Variants in FAP observed in about 807,000 individuals in gnomAD.
FAP encodes the protein prolyl endopeptidase FAP.
Under a neutral mutation model 126.5 loss-of-function variants are expected in FAP, and 110 were observed. The observed-to-expected ratio is 0.87, with a 90% confidence interval of 0.74 to 1.02. The LOEUF (loss-of-function observed/expected upper bound fraction) is 1.02, where lower values mean the gene tolerates loss of function less well. FAP is among the 50% of genes least tolerant of loss of function. The probability of loss-of-function intolerance (pLI) is 0.00; values close to 1 mark genes in which losing one functional copy is unlikely to be tolerated. For missense variants in FAP, 919 were observed against 909.2 expected, an observed-to-expected ratio of 1.01 and a Z score of -0.14; for synonymous variants, 334 against 297.3, an observed-to-expected ratio of 1.12 and a Z score of -1.27.
Position 162,198,336 on chromosome 2 carries a change from G to T in FAP, c.1402+421C>A, listed in dbSNP as rs533063931. On this transcript the variant is annotated intron_variant, in intron 16 of 25. Transcript: ENST00000188790. Reference sequence around the variant, plus strand: ...GTTTGATATTTCTCTGGGCAAAGGGGGCCAAAAGTCCAGCAACCATTTTAT... The same window carrying T: ...GTTTGATATTTCTCTGGGCAAAGGGTGCCAAAAGTCCAGCAACCATTTTAT... 4.5e-5 allele frequency: 58 copies of T among 1,284,096 alleles called. No individual in the cohort carries two copies. In the East Asian group the frequency reaches 2.1e-3, roughly 47 times the overall value. 79.5% of individuals were successfully genotyped at this position (1,284,096 alleles called of 1,614,324 possible).
chr2:162,174,720 G>T (rs920133927), intron 22 of FAP, 147 bp downstream of exon 22: 5 of 548,048 alleles, frequency 9.1e-6, no homozygotes, highest in Non-Finnish European at 1.3e-5. Context: ...TATAATAAAT[G>T]ATATAAACAA....
chr2:162,243,371 C>A lies in FAP; in HGVS notation c.-44G>T. 6.2e-7 allele frequency: 1 copy of A among 1,604,874 alleles called. No homozygotes were observed. The highest frequency in any genetic ancestry group is 8.5e-7 in the Non-Finnish European group (1 of 1,176,334). ...AAGTTAGCTAATTCTGTCTTCAGAGCGTGGGTCACTGGATCTGTGAAAACC... is the reference window on the plus strand; with the variant it reads ...AAGTTAGCTAATTCTGTCTTCAGAGAGTGGGTCACTGGATCTGTGAAAACC... On this transcript the variant is annotated 5_prime_UTR_variant, in exon 1 of 26. Coordinates refer to ENST00000188790, the MANE Select transcript of FAP (RefSeq NM_004460.5).
At position 162,243,380 on chromosome 2, in the gene FAP, C is replaced by T. The variant is rs1448256605; in HGVS notation, c.-53G>A. ...AATTCTGTCTTCAGAGCGTGGGTCA[C>T]TGGATCTGTGAAAACCGTTGAAAAG... is the stretch of plus-strand genomic sequence containing the variant. On this transcript the variant is annotated 5_prime_UTR_variant, in exon 1 of 26. The change creates a new upstream start codon in the 5' untranslated region. Transcript: ENST00000188790. 6.3e-7 allele frequency: 1 copy of T among 1,596,054 alleles called. No homozygotes were observed. Among genetic ancestry groups the T allele is most frequent in the Non-Finnish European group, 8.5e-7 (1 of 1,173,622 alleles).
chr2:162,241,948 T>C (rs1202725096), intron 2 of FAP, among the ~76,000 whole-genome samples: 1 of 152,208 alleles, frequency 6.6e-6, no homozygotes, highest in Non-Finnish European at 1.5e-5. Flanking sequence ...TTCTTTTTAA[T>C]AGCAACAGTC....
chr2:162,242,064 A>G (rs1690373846), intron 2 of FAP, among the ~76,000 whole-genome samples: 1 of 152,158 alleles, frequency 6.6e-6, no homozygotes, highest in African/African-American at 2.4e-5. Flanking sequence ...GTTATCATAA[A>G]CTTTTAGTAT....
intron 21 of FAP, among the ~76,000 whole-genome samples, chr2:162,178,863 T>C (rs1037085491): frequency 6.6e-6 from 1 of 152,216 alleles, no homozygotes; most frequent in African/African-American, 2.4e-5. Context: ...GTAAACCTCA[T>C]GGTAATTTTC....
In FAP at chr2:162,203,077, A is replaced by G. The variant is rs1224615302; in HGVS notation, c.1116T>C (p.Asp372=). Residue 372 remains aspartate (D), a synonymous_variant, in exon 13 of 26, where the codon GAT becomes GAC. Coordinates refer to ENST00000188790, the MANE Select transcript of FAP (RefSeq NM_004460.5). ...ISYYKIFSDK[D]GYKHIHYIKD... ...TGATATAGTGAATATGTTTGTAGCC[A>G]TCCTTGTCACTAAATATTTTGTAGT... The G allele has an allele frequency of 6.2e-7, 1 of 1,613,776 alleles. No individual in the cohort carries two copies. Among genetic ancestry groups the G allele is most frequent in the Non-Finnish European group, 8.5e-7 (1 of 1,179,734 alleles).
At chr2:162,205,946 A>G (rs1688682749) in intron 12 of FAP, among the ~76,000 whole-genome samples, 1 of 152,232 alleles carries the variant, frequency 6.6e-6, no homozygotes, top group Non-Finnish European at 1.5e-5. Flanking sequence ...AGCTGCAGTC[A>G]GTTAGATAAG....
At chr2:162,189,779 T>C in intron 17 of FAP, 25 bp from the exon 18 acceptor site, 1 of 1,321,886 alleles carries the variant, frequency 7.6e-7, no homozygotes. Context: ...ATGTTCATTT[T>C]TAATCAATAG....
At chr2:162,223,493 G>A (rs1689500872) in intron 6 of FAP, 115 bp downstream of exon 6, 3 of 710,268 alleles carry the variant, frequency 4.2e-6, no homozygotes, top group African/African-American at 1.8e-5. Context: ...TTACTAAAAA[G>A]TAAGAAACAA....
chr2:162,193,416 T>C (rs1056844700), intron 17 of FAP: 6 of 152,152 alleles, frequency 3.9e-5, no homozygotes, highest in Non-Finnish European at 5.9e-5. Flanking sequence ...ATTTTGTAAA[T>C]AGTGAGTGAA....
chr2:162,241,339 T>A (rs1690337286), intron 2 of FAP, among the ~76,000 whole-genome samples: 1 of 152,224 alleles, frequency 6.6e-6, no homozygotes, highest in Admixed American at 6.5e-5. Flanking sequence ...TATACATAAC[T>A]AAACTTGGAA....
intron 11 of FAP, among the ~76,000 whole-genome samples, chr2:162,212,797 A>C (rs1688995918): frequency 6.6e-6 from 1 of 152,214 alleles, no homozygotes; most frequent in Non-Finnish European, 1.5e-5. Flanking sequence ...ATTTAAAGAA[A>C]ATATTTTGTA....
chr2:162,175,424 C>T (rs545889827), intron 21 of FAP: 1 of 152,804 alleles, frequency 6.5e-6, no homozygotes, highest in East Asian at 1.9e-4. Context: ...GAACATGTAT[C>T]TTTGTATTTA....
At chr2:162,238,439 A>C (rs1371506926) in intron 2 of FAP, among the ~76,000 whole-genome samples, 1 of 152,126 alleles carries the variant, frequency 6.6e-6, no homozygotes, top group African/African-American at 2.4e-5. Context: ...TTTCTTTTTA[A>C]ATTATTTAGA....
At chr2:162,232,942 A>G (rs1689955216) in intron 2 of FAP, among the ~76,000 whole-genome samples, 1 of 152,018 alleles carries the variant, frequency 6.6e-6, no homozygotes, top group Non-Finnish European at 1.5e-5. Context: ...TCTAATCTCT[A>G]CTTGACATTT....
chr2:162,213,739 G>A (rs777297522), intron 11 of FAP, among the ~76,000 whole-genome samples, 199 bp downstream of exon 11: 16 of 151,878 alleles, frequency 1.1e-4, no homozygotes, highest in East Asian at 1.9e-4. Context: ...CAAGGTTTAC[G>A]TCATTCAAGA....
Position 162,183,452 on chromosome 2 carries a change from C to T in FAP, c.1831G>A (p.Gly611Ser). The change falls in exon 21 of 26, where the codon GGT (glycine) becomes AGT (serine). Residue 611 changes from glycine to serine, a missense_variant. Transcript: ENST00000188790. ...ITAVRKFIEM[G>S]FIDEKRIAIW... ...GCTATTCTTTTTTCATCAATGAAAC[C>T]CATTTCTATGAATTTTCTAAAGTAA... 6.2e-7 allele frequency: 1 copy of T among 1,609,428 alleles called. No homozygotes were observed. The highest frequency in any genetic ancestry group is 8.5e-7 in the Non-Finnish European group (1 of 1,176,952).
chr2:162,225,913 T>C (rs1249985347), intron 3 of FAP, among the ~76,000 whole-genome samples: 1 of 152,192 alleles, frequency 6.6e-6, no homozygotes. Flanking sequence ...TAAATTACAT[T>C]TAAGTTGTGT....
Sources: gnomAD v4.1 joint callset for allele counts (sites outside exome capture counted in the v4.1 genomes callset) on GRCh38, gnomAD v4.1.1 for gene constraint, MANE v1.5 for transcripts, NCBI Gene and HGNC (gene_info 2026-07-23, HGNC 2026-07-21) for gene names.